The following BPIFB1 variants were observed in gnomAD, a reference collection of about 807,000 sequenced individuals.
BPIFB1 encodes BPI fold-containing family B member 1.
A neutral mutation model predicts 55.1 loss-of-function variants in BPIFB1; 34 were observed. The ratio of observed to expected loss-of-function variants is 0.62; its 90% CI spans 0.47 to 0.82. The LOEUF is 0.82. Ranked by LOEUF, BPIFB1 falls within the 40% of genes least tolerant of loss-of-function variation. The pLI is 0.00. For missense variants in BPIFB1, 532 were observed against 593.1 expected (o/e 0.90, Z 1.07); for synonymous variants, 236 against 245.3 (o/e 0.96, Z 0.35).
chr20:33,298,795 T>C lies in BPIFB1; in HGVS notation c.662-1104T>C, dbSNP rs1413164663. 4 of 17,088 alleles carry C rather than the reference T, an allele frequency of 2.3e-4. No homozygotes were observed. The East Asian group carries it at 0.02, about 85-fold the overall frequency. The allele number at this position is 17,088 out of a possible 1,614,324, so 1.1% of individuals were successfully genotyped here. On this transcript the variant is annotated intron_variant, in intron 7 of 15. Transcript: ENST00000253354. ...CTACCGCCGTTTCTTTCCTTTTTTCTTTTTTTTTTTTTTAATTCCCAAAGA... is the reference window on the plus strand; with the variant it reads ...CTACCGCCGTTTCTTTCCTTTTTTCCTTTTTTTTTTTTTAATTCCCAAAGA...
At chr20:33,292,885 A>G (rs1980518641) in intron 6 of BPIFB1, among the ~76,000 whole-genome samples, 1 of 152,242 alleles carries the variant, frequency 6.6e-6, no homozygotes, top group Non-Finnish European at 1.5e-5. Context: ...CAAATAGCTA[A>G]TATTTCTTGG....
chr20:33,287,614 G>A (rs184475746), intron 2 of BPIFB1, among the ~76,000 whole-genome samples: 1 of 152,304 alleles, frequency 6.6e-6, no homozygotes, highest in East Asian at 1.9e-4. Flanking sequence ...ACTGTGTGGT[G>A]GAGAAGTTTG....
At chr20:33,305,929 C>A in intron 13 of BPIFB1, 73 bp from the exon 14 acceptor site, 1 of 1,535,686 alleles carries the variant, frequency 6.5e-7, no homozygotes, top group Non-Finnish European at 9.0e-7. Flanking sequence ...GGAGGAGCCA[C>A]ACCCACGAAG....
At chr20:33,297,464 G>C (rs531258048) in intron 6 of BPIFB1, 61 bp from the exon 7 acceptor site, 1 of 1,568,190 alleles carries the variant, frequency 6.4e-7, no homozygotes, top group East Asian at 2.2e-5. Context: ...ACAGCCCGGG[G>C]CTGCTGTGGG....
At chr20:33,283,752 G>C (rs1980176683) in intron 1 of BPIFB1, among the ~76,000 whole-genome samples, 1 of 152,120 alleles carries the variant, frequency 6.6e-6, no homozygotes, top group African/African-American at 2.4e-5. Context: ...ATTCCACGAA[G>C]GGGAACTAGC....
intron 3 of BPIFB1, among the ~76,000 whole-genome samples, 199 bp from the exon 4 acceptor site, chr20:33,289,686 G>A (rs1568647184): frequency 6.6e-6 from 1 of 152,198 alleles, no homozygotes; most frequent in East Asian, 1.9e-4. Flanking sequence ...CCACCTAGAA[G>A]AGAAGGCACC....
chr20:33,297,503 C>A (rs375279712), intron 6 of BPIFB1, 22 bp from the exon 7 acceptor site: 5 of 1,613,796 alleles, frequency 3.1e-6, no homozygotes, highest in Admixed American at 1.7e-5. Flanking sequence ...CCTGATGGAG[C>A]CCCTTGCTTA....
chr20:33,295,882 GGAAGGAAGGAAA>G (rs1197225857), intron 6 of BPIFB1, among the ~76,000 whole-genome samples: 3 of 143,392 alleles, frequency 2.1e-5, no homozygotes, highest in Non-Finnish European at 3.0e-5. Flanking sequence ...GATTGGGAAG[GGAAGGAAGGAAA>G]GAAGGAAGGA....
intron 10 of BPIFB1, 198 bp from the exon 11 acceptor site, chr20:33,302,714 CCAGA>C: frequency 1.5e-6 from 1 of 662,644 alleles, no homozygotes; most frequent in Non-Finnish European, 2.5e-6. Context: ...GAAGGGCATT[CCAGA>C]CAGAGGGAAC....
chr20:33,288,680 C>T, intron 2 of BPIFB1, 61 bp from the exon 3 acceptor site: 1 of 1,581,758 alleles, frequency 6.3e-7, no homozygotes, highest in Non-Finnish European at 8.6e-7. Flanking sequence ...GCCTGGAGCT[C>T]CCACCAAGCC....
intron 13 of BPIFB1, 133 bp from the exon 14 acceptor site, chr20:33,305,869 C>A: frequency 1.0e-6 from 1 of 1,003,016 alleles, no homozygotes. Context: ...CAGCTCTGAT[C>A]AGCAGGGGAC....
At position 33,307,247 on chromosome 20, in the gene BPIFB1, T is replaced by C; in HGVS notation, c.1395+260T>C. 6.5e-6 allele frequency: 3 copies of C among 462,696 alleles called. No homozygotes were observed. In the South Asian group the frequency reaches 9.6e-5, roughly 15 times the overall value. 28.7% of individuals were successfully genotyped at this position (462,696 alleles called of 1,614,324 possible). On this transcript the variant is annotated intron_variant, in intron 15 of 15. Transcript: ENST00000253354. ...TTCATTCATTCATTCAGTAATTCAC[T>C]AAATATTTTTCGAGGGTCTTCTATA...
rs1981155098 is a variant in BPIFB1 at position 33,309,301 on chromosome 20, G to T, written c.1396-407G>T. On this transcript the variant is annotated intron_variant, in intron 15 of 15. Coordinates refer to ENST00000253354, the MANE Select transcript of BPIFB1 (RefSeq NM_033197.3). This position sits in a 1 kb window ranked among gnomAD's most constrained non-coding sequence, Gnocchi z 4.4. ...TGCTTTGTTCTCTGTTGTGATCAGTGGCTGCACACAGTAGGTGTTTAGTAA... is the reference window on the plus strand; with the variant it reads ...TGCTTTGTTCTCTGTTGTGATCAGTTGCTGCACACAGTAGGTGTTTAGTAA... Among the ~76,000 whole-genome samples, 1 of 152,126 alleles carries T rather than the reference G, an allele frequency of 6.6e-6. No individual in the cohort carries two copies. Among genetic ancestry groups the T allele is most frequent in the African/African-American group, 2.4e-5 (1 of 41,410 alleles).
intron 14 of BPIFB1, 37 bp downstream of exon 14, chr20:33,306,102 A>G (rs1981018156): frequency 1.2e-6 from 2 of 1,610,706 alleles, no homozygotes; most frequent in Non-Finnish European, 1.7e-6. Flanking sequence ...CTCTCTCCCC[A>G]GGGCTTGGCT....
At chr20:33,299,242 C>T in intron 7 of BPIFB1, 1 of 449,950 alleles carries the variant, frequency 2.2e-6, no homozygotes, top group South Asian at 1.6e-5. Flanking sequence ...GCGGCCGGTC[C>T]CTGGCCCTCC....
intron 6 of BPIFB1, among the ~76,000 whole-genome samples, chr20:33,292,523 T>C (rs983772386): frequency 6.6e-6 from 1 of 152,216 alleles, no homozygotes; most frequent in African/African-American, 2.4e-5. Context: ...TTTATTTAAT[T>C]GTAAGTTTAT....
At position 33,299,342 on chromosome 20, in the gene BPIFB1, A is replaced by C. The variant is rs552980472; in HGVS notation, c.662-557A>C. 96 of 365,988 alleles carry C rather than the reference A, an allele frequency of 2.6e-4. 1 individual carries two copies. The Admixed American group carries it at 2.6e-3, about 10-fold the overall frequency. The allele number at this position is 365,988 out of a possible 1,614,324, so 22.7% of individuals were successfully genotyped here. A position where few individuals can be genotyped will look rare whatever the true frequency, so the allele number is the denominator to read the frequency against. On this transcript the variant is annotated intron_variant, in intron 7 of 15. Coordinates refer to ENST00000253354, the MANE Select transcript of BPIFB1 (RefSeq NM_033197.3). ...TGGGGAATTCTGACGCGAACACGAG[A>C]TCTTTGGGGGGAGCAGAGGAGCCAG...
In BPIFB1 at chr20:33,288,791, C is replaced by G; in HGVS notation, c.166C>G (p.Leu56Val). The G allele has an allele frequency of 1.2e-6, 2 of 1,614,036 alleles. No individual in the cohort carries two copies. The highest frequency in any genetic ancestry group is 1.3e-5 in the African/African-American group (1 of 75,074). The change falls in exon 3 of 16, where the codon CTG becomes GTG. Residue 56 changes from leucine to valine, a missense_variant. Transcript: ENST00000253354. ...CAACGCCACCAGCATCCTGCAGCAGCTGCCGCTGCTCAGTGCCATGCGGGA... is the reference window on the plus strand; with the variant it reads ...CAACGCCACCAGCATCCTGCAGCAGGTGCCGCTGCTCAGTGCCATGCGGGA... ...DHNATSILQQ[L>V]PLLSAMREKP... is the part of the protein sequence containing the mutation.
chr20:33,300,980 G>A (rs926416664), intron 8 of BPIFB1, among the ~76,000 whole-genome samples: 2 of 152,140 alleles, frequency 1.3e-5, no homozygotes, highest in African/African-American at 4.8e-5. Flanking sequence ...TCCATCCAAA[G>A]GGTTTGAGGT....
Sources: gnomAD v4.1 joint callset for allele counts (sites outside exome capture counted in the v4.1 genomes callset) on GRCh38, gnomAD v4.1.1 for gene constraint, Gnocchi (gnomAD v3.1) non-coding constraint, MANE v1.5 for transcripts, NCBI Gene and HGNC (gene_info 2026-07-23, HGNC 2026-07-21) for gene names.